FABP6: variants seen among roughly 807,000 people sequenced by gnomAD.
FABP6 encodes the protein gastrotropin.
Under a neutral mutation model 14.9 loss-of-function variants are expected in FABP6, and 13 were observed. The observed-to-expected ratio is 0.87, with a 90% CI of 0.57 to 1.39. The LOEUF is 1.39. FABP6 is among the 40% of genes most tolerant of loss of function. The probability of loss-of-function intolerance (pLI) is 0.00; values close to 1 mark genes in which losing one functional copy is unlikely to be tolerated. For synonymous variants in FABP6, 75 were observed against 63.6 expected, an observed-to-expected ratio of 1.18 and a Z score of -0.85; for missense variants, 161 against 167.2, an observed-to-expected ratio of 0.96 and a Z score of 0.20.
Position 160,229,536 on chromosome 5 carries a change from T to C in FABP6, c.-22T>C. The C allele has an allele frequency of 6.2e-7, 1 of 1,613,906 alleles. No individual in the cohort carries two copies. The highest frequency in any genetic ancestry group is 8.5e-7 in the Non-Finnish European group (1 of 1,179,808). On this transcript the variant is annotated 5_prime_UTR_variant, in exon 1 of 4. Coordinates refer to ENST00000402432, the MANE Select transcript of FABP6 (RefSeq NM_001445.3). The stretch of plus-strand genomic sequence containing the variant: ...CCATTCTCCTCATCCCTCTGCTCTC[T>C]GGCCTCCAGCCTCCCAGCAGCATGG...
At chr5:160,222,579 C>T (rs7725352) in intron 3 of FABP6, among the ~76,000 whole-genome samples, 27,185 of 152,144 alleles carry the variant, frequency 0.18, 2,526 homozygotes, top group African/African-American at 0.22. Context: ...GGTGATCCAC[C>T]CACCTCAGCC....
chr5:160,225,093 G>GTTTTTTT (rs61110860), upstream of FABP6, among the ~76,000 whole-genome samples: 1 of 146,208 alleles, frequency 6.8e-6, no homozygotes, highest in Non-Finnish European at 1.5e-5. Context: ...CCTGATAGCA[G>GTTTTTTT]TTTTTTTTTT....
rs1759391271 is a variant in FABP6 at position 160,191,433 on chromosome 5, C to T, written c.-59+3979C>T. Among the ~76,000 whole-genome samples the T allele has an allele frequency of 3.3e-5, 5 of 150,394 alleles. No homozygotes were observed. The South Asian group carries it at 1.1e-3, about 32-fold the overall frequency. On this transcript the variant is annotated intron_variant, in intron 1 of 6. Transcript: ENST00000393980. Reference sequence around the variant, plus strand: ...AGTGAGCCAAGATCATGCCATTGCACTCCAGCCTGGGCAACAAGAGTGAAA... The same window carrying T: ...AGTGAGCCAAGATCATGCCATTGCATTCCAGCCTGGGCAACAAGAGTGAAA...
chr5:160,198,335 C>T, intron 1 of FABP6: 1 of 152,572 alleles, frequency 6.6e-6, no homozygotes. Flanking sequence ...AATCCCCCAG[C>T]AGGTTTGCCT....
At chr5:160,221,967 T>G (rs1282216162) in intron 3 of FABP6, among the ~76,000 whole-genome samples, 1 of 152,202 alleles carries the variant, frequency 6.6e-6, no homozygotes, top group Non-Finnish European at 1.5e-5. Flanking sequence ...CTTTACAAAG[T>G]CTTAAGCTTT....
At chr5:160,211,235 T>C (rs1347489819) in intron 2 of FABP6, among the ~76,000 whole-genome samples, 1 of 152,070 alleles carries the variant, frequency 6.6e-6, no homozygotes, top group Non-Finnish European at 1.5e-5. Flanking sequence ...GGAGAGCTGC[T>C]CCTTGAAGAT....
intron 1 of FABP6, chr5:160,198,459 T>C (rs1580898788): frequency 6.6e-6 from 1 of 152,472 alleles, no homozygotes; most frequent in South Asian, 2.1e-4. Flanking sequence ...ACGTTCCTTC[T>C]TCCTATCATG....
chr5:160,231,045 G>A (rs1680755064), intron 1 of FABP6, among the ~76,000 whole-genome samples: 1 of 152,192 alleles, frequency 6.6e-6, no homozygotes, highest in Non-Finnish European at 1.5e-5. Context: ...GTCTCAGGCA[G>A]TGTAACTCTC....
intron 1 of FABP6, among the ~76,000 whole-genome samples, chr5:160,194,749 T>C (rs1019571373): frequency 3.9e-5 from 6 of 152,010 alleles, no homozygotes; most frequent in Non-Finnish European, 8.8e-5. Context: ...ATGTCCCACC[T>C]TGATGGCAGT....
chr5:160,234,572 A>G (rs1463173683), intron 2 of FABP6, among the ~76,000 whole-genome samples: 2 of 151,968 alleles, frequency 1.3e-5, no homozygotes, highest in Non-Finnish European at 2.9e-5. Context: ...GATTACAGGC[A>G]TGAGCCACCA....
At chr5:160,224,097 G>A (rs933890882) in intron 3 of FABP6, among the ~76,000 whole-genome samples, 1 of 151,994 alleles carries the variant, frequency 6.6e-6, no homozygotes, top group African/African-American at 2.4e-5. Flanking sequence ...TTAGCTGGGC[G>A]TGGTGGTGGG....
At chr5:160,211,575 G>A (rs904175200) in intron 2 of FABP6, among the ~76,000 whole-genome samples, 1 of 152,158 alleles carries the variant, frequency 6.6e-6, no homozygotes, top group African/African-American at 2.4e-5. Flanking sequence ...TTTGAGTCAT[G>A]AGTGCAGTAC....
intron 2 of FABP6, among the ~76,000 whole-genome samples, chr5:160,203,554 G>A (rs985756145): frequency 6.6e-6 from 1 of 151,910 alleles, no homozygotes. Flanking sequence ...TTTGAGAAAA[G>A]GTCTTGCAAT....
At chr5:160,219,546 G>T (rs1760088784) in intron 3 of FABP6, among the ~76,000 whole-genome samples, 1 of 152,146 alleles carries the variant, frequency 6.6e-6, no homozygotes, top group Admixed American at 6.6e-5. Context: ...GGAAGGTGGA[G>T]GGTCAGATGT....
At chr5:160,199,150 T>C in exon 2 of FABP6, 1 of 1,614,168 alleles carries the variant, frequency 6.2e-7, no homozygotes, top group Non-Finnish European at 8.5e-7. Context: ...ATGCAGGCGC[T>C]GACTCAGGTA....
chr5:160,201,904 A>G (rs1280764245), intron 2 of FABP6, among the ~76,000 whole-genome samples: 1 of 152,220 alleles, frequency 6.6e-6, no homozygotes, highest in Non-Finnish European at 1.5e-5. Flanking sequence ...CTGGGACTGC[A>G]GGTGCACACC....
At chr5:160,225,446 G>T (rs1160106115), upstream of FABP6, among the ~76,000 whole-genome samples, 4 of 144,108 alleles carry the variant, frequency 2.8e-5, no homozygotes, top group Admixed American at 2.9e-4. Flanking sequence ...CTGTCCCCCA[G>T]GCTGGAGTGC....
chr5:160,223,703 A>G (rs1433383717), intron 3 of FABP6, among the ~76,000 whole-genome samples: 3 of 151,624 alleles, frequency 2.0e-5, no homozygotes, highest in Non-Finnish European at 2.9e-5. Flanking sequence ...CTGGGATTAC[A>G]GGCGTGAGCT....
chr5:160,229,119 T>G (rs1480059633), upstream of FABP6, among the ~76,000 whole-genome samples: 2 of 152,114 alleles, frequency 1.3e-5, no homozygotes, highest in African/African-American at 4.8e-5. Flanking sequence ...TTGGGAAAGG[T>G]GTGTGTCTCG....
Sources: gnomAD v4.1 joint callset for allele counts (sites outside exome capture counted in the v4.1 genomes callset) on GRCh38, gnomAD v4.1.1 for gene constraint, MANE v1.5 for transcripts, NCBI Gene and HGNC (gene_info 2026-07-23, HGNC 2026-07-21) for gene names.